PPP1R1C: variants seen among roughly 807,000 people sequenced by gnomAD.
PPP1R1C encodes the protein protein phosphatase 1 regulatory inhibitor subunit 1C, also known as protein phosphatase 1 regulatory subunit 1C.
Under a neutral mutation model 17.4 loss-of-function variants are expected in PPP1R1C, and 15 were observed. That is an observed-to-expected ratio of 0.86 (90% CI 0.58 to 1.33). The LOEUF (loss-of-function observed/expected upper bound fraction) is 1.33, where lower values mean the gene tolerates loss of function less well. Among genes scored for constraint, PPP1R1C ranks in the 40% most tolerant of loss-of-function variants. PPP1R1C has a pLI of 0.00. For synonymous variants in PPP1R1C, 35 were observed against 43.1 expected, an observed-to-expected ratio of 0.81 and a Z score of 0.73; for missense variants, 143 against 130.0, an observed-to-expected ratio of 1.10 and a Z score of -0.48.
At chr2:182,124,529 G>A (rs1689827501) in intron 5 of PPP1R1C, among the ~76,000 whole-genome samples, 1 of 151,872 alleles carries the variant, frequency 6.6e-6, no homozygotes. Flanking sequence ...CTATTCATGA[G>A]GATGGAATGT....
chr2:182,038,742 TAC>T (rs1687091816), intron 2 of PPP1R1C, among the ~76,000 whole-genome samples: 1 of 152,230 alleles, frequency 6.6e-6, no homozygotes, highest in East Asian at 1.9e-4. Context: ...TGGCAGCTGA[TAC>T]AGTCCTTCAT....
At chr2:182,005,379 T>C (rs1559053154) in intron 2 of PPP1R1C, among the ~76,000 whole-genome samples, 1 of 152,072 alleles carries the variant, frequency 6.6e-6, no homozygotes, top group Non-Finnish European at 1.5e-5. Flanking sequence ...CATATAGGGG[T>C]TCTAAGGAAT....
At chr2:182,076,179 A>C (rs1372029181) in intron 4 of PPP1R1C, among the ~76,000 whole-genome samples, 1 of 83,782 alleles carries the variant, frequency 1.2e-5, no homozygotes, top group African/African-American at 5.1e-5. Context: ...AAGGATTTTG[A>C]ACTTTTTTTT....
At chr2:182,107,212 G>A (rs1456914332) in intron 4 of PPP1R1C, among the ~76,000 whole-genome samples, 1 of 151,950 alleles carries the variant, frequency 6.6e-6, no homozygotes, top group Non-Finnish European at 1.5e-5. Flanking sequence ...TTTAAAATTT[G>A]TAATCTTTCA....
intron 2 of PPP1R1C, among the ~76,000 whole-genome samples, chr2:182,024,856 A>AC (rs1686545456): frequency 6.8e-6 from 1 of 147,732 alleles, no homozygotes; most frequent in East Asian, 2.0e-4. Flanking sequence ...ATCTGTCTCA[A>AC]AAAACAAACA....
intron 4 of PPP1R1C, among the ~76,000 whole-genome samples, chr2:182,079,138 T>C (rs1688399960): frequency 6.6e-6 from 1 of 152,218 alleles, no homozygotes; most frequent in Non-Finnish European, 1.5e-5. Context: ...AAAGAAGCTA[T>C]GTAAACACTA....
At chr2:182,092,955 C>T (rs7597920) in intron 4 of PPP1R1C, among the ~76,000 whole-genome samples, 3,672 of 152,224 alleles carry the variant, frequency 0.024, 139 homozygotes, top group African/African-American at 0.084. Flanking sequence ...GTCTGAAGGA[C>T]GGTGGCCCTC....
chr2:181,965,413 A>G (rs1015530287), intron 1 of PPP1R1C, among the ~76,000 whole-genome samples: 5 of 152,190 alleles, frequency 3.3e-5, no homozygotes, highest in Admixed American at 1.3e-4. Context: ...TTTTCTTTTA[A>G]TGGTTTCATA....
upstream of PPP1R1C, among the ~76,000 whole-genome samples, chr2:181,984,486 A>C (rs1386526716): frequency 6.6e-6 from 1 of 152,230 alleles, no homozygotes; most frequent in Non-Finnish European, 1.5e-5. Flanking sequence ...GTTACATAAA[A>C]TGTAATTTAT....
intron 4 of PPP1R1C, among the ~76,000 whole-genome samples, chr2:182,110,119 A>C (rs1385582591): frequency 2.0e-5 from 3 of 152,112 alleles, no homozygotes; most frequent in African/African-American, 7.2e-5. Flanking sequence ...CAGGATTTTA[A>C]ATGTTTTTAC....
chr2:182,043,189 G>A (rs538713766), intron 2 of PPP1R1C, among the ~76,000 whole-genome samples: 38 of 152,092 alleles, frequency 2.5e-4, no homozygotes, highest in Non-Finnish European at 4.7e-4. Context: ...CAACCACTTC[G>A]TATTCAAATT....
intron 4 of PPP1R1C, among the ~76,000 whole-genome samples, chr2:182,087,764 T>C (rs1158682709): frequency 6.6e-6 from 1 of 152,212 alleles, no homozygotes; most frequent in Non-Finnish European, 1.5e-5. Context: ...GAGAATTAGA[T>C]GTGGGTTGTT....
chr2:182,092,908 G>A (rs995992399), intron 4 of PPP1R1C, among the ~76,000 whole-genome samples: 1 of 152,152 alleles, frequency 6.6e-6, no homozygotes, highest in East Asian at 1.9e-4. Context: ...TTTTCCAGGT[G>A]CACAATGCAA....
At chr2:182,129,539 A>T (rs1400520032) in exon 6 of PPP1R1C, 3 of 152,124 alleles carry the variant, frequency 2.0e-5, no homozygotes, top group Non-Finnish European at 4.4e-5. Flanking sequence ...TGTTATTGCC[A>T]TCCTGCTAGT....
downstream of PPP1R1C, among the ~76,000 whole-genome samples, chr2:182,121,521 C>T (rs141266661): frequency 0.028 from 4,221 of 152,042 alleles, 184 homozygotes; most frequent in African/African-American, 0.097. Context: ...TGGAGTCTCG[C>T]TCTGTCACCA....
At chr2:182,056,795 T>C (rs555824981) in intron 2 of PPP1R1C, among the ~76,000 whole-genome samples, 89 of 152,304 alleles carry the variant, frequency 5.8e-4, no homozygotes, top group African/African-American at 2.0e-3. Flanking sequence ...ATTTGTCTTA[T>C]ACATATTGTA....
intron 2 of PPP1R1C, among the ~76,000 whole-genome samples, chr2:182,036,665 C>A (rs192996323): frequency 6.6e-6 from 1 of 152,008 alleles, no homozygotes; most frequent in East Asian, 1.9e-4. Context: ...ATAACTTAAC[C>A]TGATATATAC....
chr2:181,977,662 C>T lies in PPP1R1C; in HGVS notation n.157+2398C>T, dbSNP rs573769634. 2.6e-5 allele frequency among the ~76,000 whole-genome samples: 4 copies of T among 152,182 alleles called. No individual in the cohort carries two copies. In the South Asian group the frequency reaches 6.2e-4, roughly 24 times the overall value. The stretch of plus-strand genomic sequence containing the variant: ...CTTTAAAAAGTGTGGTGGCTCATGC[C>T]CGTAATCCCAGCACTTTGGAGGCCA... On this transcript the variant is annotated intron_variant and non_coding_transcript_variant, in intron 2 of 5. Coordinates refer to the PPP1R1C transcript ENST00000464264.
At chr2:182,087,194 C>G (rs1688652802) in intron 4 of PPP1R1C, among the ~76,000 whole-genome samples, 1 of 152,244 alleles carries the variant, frequency 6.6e-6, no homozygotes, top group African/African-American at 2.4e-5. Flanking sequence ...CCGTATTGTA[C>G]ACCTTTGTAC....
Sources: allele counts gnomAD v4.1 joint callset (sites outside exome capture counted in the v4.1 genomes callset), GRCh38; gene constraint gnomAD v4.1.1; transcripts MANE v1.5; gene names NCBI Gene and HGNC (gene_info 2026-07-23, HGNC 2026-07-21).